The following ZFAND3 variants were observed in gnomAD, a reference collection of about 807,000 sequenced individuals.
ZFAND3 encodes the protein zinc finger AN1-type containing 3, also known as AN1-type zinc finger protein 3.
In ZFAND3, 10 loss-of-function variants were observed where a neutral mutation model predicts 29.6. That is an observed-to-expected ratio of 0.34 (90% CI 0.21 to 0.57). The LOEUF is 0.57. Among genes scored for constraint, ZFAND3 ranks in the 20% least tolerant of loss-of-function variants. The pLI is 0.86. For missense variants in ZFAND3, 230 were observed against 304.5 expected (o/e 0.76, Z 1.82); for synonymous variants, 128 against 112.6 (o/e 1.14, Z -0.87).
At chr6:38,074,799 G>A (rs1416637267) in intron 3 of ZFAND3, among the ~76,000 whole-genome samples, 1 of 152,224 alleles carries the variant, frequency 6.6e-6, no homozygotes, top group Non-Finnish European at 1.5e-5. Flanking sequence ...CCTCTTGTTA[G>A]GGGCTAATGT....
At chr6:38,146,730 CTCTT>C (rs566456025) in intron 5 of ZFAND3, among the ~76,000 whole-genome samples, 2 of 152,172 alleles carry the variant, frequency 1.3e-5, no homozygotes, top group Non-Finnish European at 2.9e-5. Context: ...CTCTTCCTCT[CTCTT>C]TTTGGGGGGT....
chr6:38,118,433 T>C (rs1581933119), intron 5 of ZFAND3, among the ~76,000 whole-genome samples: 1 of 152,158 alleles, frequency 6.6e-6, no homozygotes, highest in African/African-American at 2.4e-5. Context: ...ACCTGGTCAT[T>C]TTAGCTGTTG....
chr6:37,994,976 A>C (rs1762825949), intron 2 of ZFAND3, among the ~76,000 whole-genome samples: 1 of 152,202 alleles, frequency 6.6e-6, no homozygotes, highest in South Asian at 2.1e-4. Flanking sequence ...TGGCTGATCC[A>C]GTGGTTCTGA....
At chr6:38,094,492 C>G (rs377423380) in intron 4 of ZFAND3, among the ~76,000 whole-genome samples, 3 of 152,162 alleles carry the variant, frequency 2.0e-5, no homozygotes, top group Non-Finnish European at 4.4e-5. Flanking sequence ...ACCAGTGTTT[C>G]TCTCTTGACA....
At chr6:37,826,100 A>T (rs1763755252) in intron 1 of ZFAND3, among the ~76,000 whole-genome samples, 1 of 152,330 alleles carries the variant, frequency 6.6e-6, no homozygotes, top group South Asian at 2.1e-4. Flanking sequence ...TCTTGCAAAA[A>T]AAAAAGAAAT....
chr6:37,886,237 C>CAAAAAAAAAAAAAAAAAAAAAAAAAAA (rs55661554), intron 1 of ZFAND3, among the ~76,000 whole-genome samples: 4 of 95,302 alleles, frequency 4.2e-5, no homozygotes, highest in African/African-American at 1.1e-4. Flanking sequence ...GACTCTGTCT[C>CAAAAAAAAAAAAAAAAAAAAAAAAAAA]AAAAAAAAAA....
At chr6:37,962,283 A>G (rs569678908) in intron 2 of ZFAND3, among the ~76,000 whole-genome samples, 1 of 152,336 alleles carries the variant, frequency 6.6e-6, no homozygotes, top group Non-Finnish European at 1.5e-5. Flanking sequence ...GCTTGAAGAC[A>G]TGCTGTTTGA....
In ZFAND3 at chr6:38,068,342, G is replaced by A. The variant is rs182566159; in HGVS notation, c.295+6567G>A. ...TCCAAATTCAGTGTTTATAAGTAAA[G>A]TTTGATTGGAACACAGCCCCACTCA... On this transcript the variant is annotated intron_variant, in intron 3 of 5. Transcript: ENST00000287218. Among the ~76,000 whole-genome samples the A allele has an allele frequency of 2.7e-3, 409 of 152,304 alleles. 6 individuals carry two copies. Among genetic ancestry groups the A allele is most frequent in the African/African-American group, 9.4e-3 (392 of 41,558 alleles).
In ZFAND3 at chr6:37,908,542, T is replaced by TAAAAAAAAAAAAAA. The variant is rs70981504; in HGVS notation, c.72-21413_72-21400dup. On this transcript the variant is annotated intron_variant, in intron 1 of 5. Transcript: ENST00000287218. ...TTAAAGTATAATTAAAAAAAAAAATTAAAAAAAAAAAAAAAAAGAAAAAAA... is the reference window on the plus strand; with the variant it reads ...TTAAAGTATAATTAAAAAAAAAAATTAAAAAAAAAAAAAAAAAAAAAAAAAAAAAAAGAAAAAAA... Among the ~76,000 whole-genome samples the TAAAAAAAAAAAAAA allele has an allele frequency of 6.4e-5, 8 of 124,098 alleles. No homozygotes were observed. In the East Asian group the frequency reaches 7.9e-4, roughly 12 times the overall value. 81.4% of individuals were successfully genotyped at this position (124,098 alleles called of 152,430 possible).
intron 2 of ZFAND3, among the ~76,000 whole-genome samples, chr6:37,961,801 G>A (rs1483886707): frequency 6.6e-6 from 1 of 152,138 alleles, no homozygotes; most frequent in Non-Finnish European, 1.5e-5. Flanking sequence ...CAGTCCTGCT[G>A]GGCTTGAGGT....
chr6:38,094,270 G>GT (rs1349556539), intron 4 of ZFAND3, among the ~76,000 whole-genome samples: 1 of 151,826 alleles, frequency 6.6e-6, no homozygotes, highest in Non-Finnish European at 1.5e-5. Flanking sequence ...TCATTAAGTA[G>GT]TTTAAGTTTA....
chr6:37,852,593 C>T (rs952594855), intron 1 of ZFAND3, among the ~76,000 whole-genome samples: 2 of 152,116 alleles, frequency 1.3e-5, no homozygotes, highest in African/African-American at 4.8e-5. Flanking sequence ...TGTATTTCTG[C>T]CACCTCTTAT....
At chr6:37,826,649 A>G (rs889077074) in intron 1 of ZFAND3, among the ~76,000 whole-genome samples, 1 of 151,860 alleles carries the variant, frequency 6.6e-6, no homozygotes, top group African/African-American at 2.4e-5. Flanking sequence ...GCTACTTGGG[A>G]GGCTGAGGCA....
At chr6:37,901,623 C>T (rs569383726) in intron 1 of ZFAND3, among the ~76,000 whole-genome samples, 2 of 151,698 alleles carry the variant, frequency 1.3e-5, no homozygotes, top group Admixed American at 6.5e-5. Context: ...GTTTCAATAA[C>T]AACAAAAAAA....
intron 1 of ZFAND3, among the ~76,000 whole-genome samples, chr6:37,913,566 C>T (rs1022174232): frequency 6.6e-6 from 1 of 152,164 alleles, no homozygotes; most frequent in Non-Finnish European, 1.5e-5. Context: ...GAATCAACTT[C>T]CAAACTCCTG....
intron 1 of ZFAND3, among the ~76,000 whole-genome samples, chr6:37,913,723 T>TTTTG (rs1561931965): frequency 6.7e-6 from 1 of 149,362 alleles, no homozygotes; most frequent in East Asian, 1.9e-4. Context: ...TTTTTTTTTT[T>TTTTG]TTTTGAGACA....
chr6:37,899,190 A>G (rs926745862), intron 1 of ZFAND3, among the ~76,000 whole-genome samples: 2 of 152,064 alleles, frequency 1.3e-5, no homozygotes, highest in Admixed American at 1.3e-4. Context: ...ATGAGCCACC[A>G]CACCTGGCCA....
intron 5 of ZFAND3, among the ~76,000 whole-genome samples, chr6:38,144,806 A>G (rs979405051): frequency 6.6e-6 from 1 of 152,224 alleles, no homozygotes; most frequent in Non-Finnish European, 1.5e-5. Flanking sequence ...CAAGAAAGCA[A>G]ATGTTTAATT....
In ZFAND3 at chr6:38,153,838, C is replaced by T. The variant is rs1387946106; in HGVS notation, c.*1449C>T. ...TCCAGGTGGGTGAGGGCAGGAGGCC[C>T]CTGCGGAGGCAGCGTGGATCTGCCC... On this transcript the variant is annotated 3_prime_UTR_variant, in exon 6 of 6. Transcript: ENST00000287218. 1.0e-5 allele frequency: 10 copies of T among 985,396 alleles called. No homozygotes were observed. The highest frequency in any genetic ancestry group is 6.1e-5 in the Admixed American group (1 of 16,270). 61.0% of individuals were successfully genotyped at this position (985,396 alleles called of 1,614,324 possible). A position where few individuals can be genotyped will look rare whatever the true frequency, so the allele number is the denominator to read the frequency against.
Sources: gnomAD v4.1 joint callset for allele counts (sites outside exome capture counted in the v4.1 genomes callset) on GRCh38, gnomAD v4.1.1 for gene constraint, MANE v1.5 for transcripts, NCBI Gene and HGNC (gene_info 2026-07-23, HGNC 2026-07-21) for gene names.